SGCZ: variants seen among roughly 807,000 people sequenced by gnomAD.
SGCZ encodes the protein zeta-sarcoglycan.
Under a neutral mutation model 41.3 loss-of-function variants are expected in SGCZ, and 40 were observed. The observed-to-expected ratio is 0.97, with a 90% CI of 0.75 to 1.26. The LOEUF is 1.26. SGCZ is among the 50% of genes most tolerant of loss of function. The pLI, the probability that SGCZ is intolerant of heterozygous loss-of-function variation, is 0.00. For synonymous variants in SGCZ, 206 were observed against 137.5 expected, an observed-to-expected ratio of 1.50 and a Z score of -3.49; for missense variants, 552 against 369.8, an observed-to-expected ratio of 1.49 and a Z score of -4.04.
intron 1 of SGCZ, among the ~76,000 whole-genome samples, chr8:14,772,325 A>C (rs1442153618): frequency 6.6e-6 from 1 of 152,158 alleles, no homozygotes; most frequent in African/African-American, 2.4e-5. Context: ...GTGAAGAGCA[A>C]CTAGAATAAA....
chr8:14,541,571 C>A (rs757487245), intron 2 of SGCZ, among the ~76,000 whole-genome samples: 7 of 151,832 alleles, frequency 4.6e-5, no homozygotes, highest in Admixed American at 1.3e-4. Flanking sequence ...GGTTCCAAGT[C>A]AATGCTATTG....
rs78758593 is a variant in SGCZ, at chr8:14,818,688, A to C, written c.40-263762T>G. Among the ~76,000 whole-genome samples, 106 of 152,286 alleles carry C rather than the reference A, an allele frequency of 7.0e-4. 1 individual carries two copies. The highest frequency in any genetic ancestry group is 2.4e-3 in the African/African-American group (98 of 41,582). Reference sequence around the variant, plus strand: ...CACAAACAAATAATTCACTGAAGTCAAGAAAACAATTTATGGTCTAAATGA... The same window carrying C: ...CACAAACAAATAATTCACTGAAGTCCAGAAAACAATTTATGGTCTAAATGA... On this transcript the variant is annotated intron_variant, in intron 1 of 7. Coordinates refer to ENST00000382080, the MANE Select transcript of SGCZ (RefSeq NM_139167.4).
rs79606048 is a variant in SGCZ at position 14,615,413 on chromosome 8, G to C, written c.40-60487C>G. Among the ~76,000 whole-genome samples, 1,393 of 152,322 alleles carry C rather than the reference G, an allele frequency of 9.1e-3. 20 individuals carry two copies. Among genetic ancestry groups the C allele is most frequent in the African/African-American group, 0.032 (1,322 of 41,572 alleles). On this transcript the variant is annotated intron_variant, in intron 1 of 7. Coordinates refer to ENST00000382080, the MANE Select transcript of SGCZ (RefSeq NM_139167.4). ...CCCATAAAAGCTCACTGCTCTCACT[G>C]CTGGGTGGAGCTCTCTGAACCCCTT...
At chr8:14,121,602 C>G (rs1802698424) in intron 5 of SGCZ, among the ~76,000 whole-genome samples, 1 of 151,930 alleles carries the variant, frequency 6.6e-6, no homozygotes, top group Non-Finnish European at 1.5e-5. Context: ...GAAATCAGGC[C>G]TAACATCAGA....
At chr8:14,931,328 A>T (rs1799917214) in intron 1 of SGCZ, among the ~76,000 whole-genome samples, 1 of 152,056 alleles carries the variant, frequency 6.6e-6, no homozygotes, top group African/African-American at 2.4e-5. Flanking sequence ...TTAAATTTCA[A>T]ATAGTTTGAT....
chr8:14,470,003 G>T (rs1011334390), intron 2 of SGCZ, among the ~76,000 whole-genome samples: 1 of 152,086 alleles, frequency 6.6e-6, no homozygotes, highest in South Asian at 2.1e-4. Context: ...GGGTTGATGG[G>T]AACCCCAGCT....
chr8:14,653,562 A>G lies in SGCZ; in HGVS notation c.40-98636T>C, dbSNP rs1206062151. Among the ~76,000 whole-genome samples the G allele has an allele frequency of 1.3e-5, 2 of 152,152 alleles. 1 individual carries two copies. The highest frequency in any genetic ancestry group is 4.8e-5 in the African/African-American group (2 of 41,408). ...AAAAATCTTTTAATCCCTGGGTACC[A>G]AATGTTTCAACCAATGTTTACCTTT... On this transcript the variant is annotated intron_variant, in intron 1 of 7. Transcript: ENST00000382080.
chr8:14,464,711 T>G (rs921540883), intron 2 of SGCZ, among the ~76,000 whole-genome samples: 2 of 151,608 alleles, frequency 1.3e-5, no homozygotes, highest in East Asian at 3.8e-4. Context: ...ACATATTTTG[T>G]CTTTTAAACA....
chr8:14,973,846 A>C (rs1801378967), intron 1 of SGCZ, among the ~76,000 whole-genome samples: 1 of 152,152 alleles, frequency 6.6e-6, no homozygotes, highest in African/African-American at 2.4e-5. Flanking sequence ...TTGTTGATTT[A>C]TTTAGTTGAA....
At chr8:14,872,932 G>T (rs1328191598) in intron 1 of SGCZ, among the ~76,000 whole-genome samples, 1 of 152,082 alleles carries the variant, frequency 6.6e-6, no homozygotes, top group Non-Finnish European at 1.5e-5. Flanking sequence ...TCACTGACTT[G>T]AGAGTTAGAA....
intron 1 of SGCZ, among the ~76,000 whole-genome samples, chr8:14,607,275 C>A (rs1805782063): frequency 6.6e-6 from 1 of 152,144 alleles, no homozygotes. Context: ...GGCCTTCTTT[C>A]TTTGCCAAAT....
At chr8:14,416,923 A>C (rs78326639) in intron 2 of SGCZ, among the ~76,000 whole-genome samples, 1 of 151,924 alleles carries the variant, frequency 6.6e-6, no homozygotes, top group East Asian at 1.9e-4. Flanking sequence ...AAAAAAGAGC[A>C]TATGTGTGAC....
At chr8:14,479,032 C>A (rs1337351377) in intron 2 of SGCZ, among the ~76,000 whole-genome samples, 1 of 152,090 alleles carries the variant, frequency 6.6e-6, no homozygotes, top group Non-Finnish European at 1.5e-5. Flanking sequence ...GGTTCTCCAG[C>A]GGGACAGGAT....
intron 1 of SGCZ, among the ~76,000 whole-genome samples, chr8:15,075,825 C>G (rs990081497): frequency 5.3e-5 from 8 of 151,714 alleles, no homozygotes; most frequent in African/African-American, 1.9e-4. Flanking sequence ...CTAATTTGCT[C>G]AAAAAATTTT....
At chr8:14,506,862 G>T (rs1262682830) in intron 2 of SGCZ, among the ~76,000 whole-genome samples, 1 of 152,102 alleles carries the variant, frequency 6.6e-6, no homozygotes, top group African/African-American at 2.4e-5. Flanking sequence ...AGCTTAGCCA[G>T]CCCTCAGTGT....
intron 2 of SGCZ, among the ~76,000 whole-genome samples, chr8:14,442,593 C>T (rs1424671623): frequency 2.0e-5 from 3 of 152,112 alleles, no homozygotes; most frequent in African/African-American, 7.2e-5. Context: ...CAATATGTAA[C>T]AAAGTTTTGT....
In SGCZ at chr8:14,862,492, A is replaced by C. The variant is rs569431403; in HGVS notation, c.40-307566T>G. ...TTAAGTATAACAAGAAATGAGACCA[A>C]ATTTCCAAGTCGCCTTTTATGAAAC... is the stretch of plus-strand genomic sequence containing the variant. On this transcript the variant is annotated intron_variant, in intron 1 of 7. Transcript: ENST00000382080. 5.1e-3 allele frequency among the ~76,000 whole-genome samples: 750 copies of C among 146,420 alleles called. 4 individuals are homozygous for C. The highest frequency in any genetic ancestry group is 8.9e-3 in the Non-Finnish European group (593 of 66,856).
At chr8:14,917,426 ATCAAATC>A in intron 1 of SGCZ, among the ~76,000 whole-genome samples, 1 of 152,268 alleles carries the variant, frequency 6.6e-6, no homozygotes, top group Non-Finnish European at 1.5e-5. Context: ...TCATTCCTAA[ATCAAATC>A]TCTTACAGTT....
In SGCZ at chr8:15,210,935, T is replaced by C. The variant is rs1415317059; in HGVS notation, c.39+26650A>G. Among the ~76,000 whole-genome samples, 10 of 152,102 alleles carry C rather than the reference T, an allele frequency of 6.6e-5. No homozygotes were observed. In the East Asian group the frequency reaches 1.7e-3, roughly 26 times the overall value. ...TGCCTCCTTTATTCCCTCAGTCTTC[T>C]ATTGCCTTTGCCTAGAAATCTTGGA... On this transcript the variant is annotated intron_variant, in intron 1 of 7. Coordinates refer to ENST00000382080, the MANE Select transcript of SGCZ (RefSeq NM_139167.4).
Sources: allele counts gnomAD v4.1 joint callset (sites outside exome capture counted in the v4.1 genomes callset), GRCh38; gene constraint gnomAD v4.1.1; transcripts MANE v1.5; gene names NCBI Gene and HGNC (gene_info 2026-07-23, HGNC 2026-07-21).